INO80E: variants seen among roughly 807,000 people sequenced by gnomAD.
INO80E encodes the protein INO80 complex subunit E, also known as coiled-coil domain containing 95.
INO80E carries 20 observed loss-of-function variants against 27.3 expected under a neutral mutation model. The ratio of observed to expected loss-of-function variants is 0.73; its 90% confidence interval spans 0.51 to 1.06. The LOEUF is 1.06. Among genes scored for constraint, INO80E ranks in the 50% least tolerant of loss-of-function variants. The pLI, the probability that INO80E is intolerant of heterozygous loss-of-function variation, is 0.00. For synonymous variants in INO80E, 167 were observed against 145.9 expected (o/e 1.14, Z -1.04); for missense variants, 357 against 322.8 (o/e 1.11, Z -0.81).
intron 3 of INO80E, among the ~76,000 whole-genome samples, chr16:29,999,029 A>T (rs1220479349): frequency 1.3e-5 from 2 of 151,168 alleles, no homozygotes; most frequent in African/African-American, 2.4e-5. Context: ...TGGGCAACAG[A>T]GCAAGACTCC....
Position 30,005,469 on chromosome 16 carries a change from G to C in INO80E, c.*27G>C. The C allele has an allele frequency of 1.3e-6, 2 of 1,564,068 alleles. No individual in the cohort carries two copies. The highest frequency in any genetic ancestry group is 1.7e-6 in the Non-Finnish European group (2 of 1,154,248). On this transcript the variant is annotated 3_prime_UTR_variant, in exon 7 of 7. Coordinates refer to ENST00000563197, the MANE Select transcript of INO80E (RefSeq NM_173618.3). The stretch of plus-strand genomic sequence containing the variant: ...CGTGACATCACGCCATGCCCACCAC[G>C]GCCCCGCCCGGCGCCCTCCCCGTGC...
At chr16:29,997,407 T>C (rs180699693) in intron 3 of INO80E, among the ~76,000 whole-genome samples, 1 of 151,878 alleles carries the variant, frequency 6.6e-6, no homozygotes, top group East Asian at 1.9e-4. Flanking sequence ...TTCATATTTT[T>C]CCATATGAAA....
chr16:30,001,306 T>C, intron 5 of INO80E, 108 bp from the exon 6 acceptor site: 2 of 1,501,428 alleles, frequency 1.3e-6, no homozygotes, highest in Non-Finnish European at 1.8e-6. Context: ...GGAGCCGCAC[T>C]CATCACCATC....
At chr16:30,002,310 A>G (rs1334066680) in intron 6 of INO80E, 2 of 152,314 alleles carry the variant, frequency 1.3e-5, no homozygotes, top group Non-Finnish European at 2.9e-5. Context: ...TCAGAGGGGG[A>G]GCTCATGAGG....
intron 6 of INO80E, chr16:30,002,325 AGT>A (rs1044492032): frequency 6.6e-6 from 1 of 152,532 alleles, no homozygotes; most frequent in Non-Finnish European, 1.5e-5. Context: ...ATGAGGTGCC[AGT>A]GTGCAGGATT....
rs2070125755 is a variant in INO80E, at chr16:29,996,603, G to A, written c.138G>A (p.Val46=). ...AAGCGCAAAGGAAATTACTGAAGGT[G>A]TCCCGGGACAAGAGGTGAGGCACGT... ...LRKAQRKLLK[V]SRDKSFLLDR... Residue 46 remains valine (V), a synonymous_variant, in exon 2 of 7, where the codon GTG becomes GTA. Transcript: ENST00000563197. The A allele has an allele frequency of 1.9e-6, 3 of 1,579,864 alleles. No individual in the cohort carries two copies. The highest frequency in any genetic ancestry group is 1.7e-6 in the Non-Finnish European group (2 of 1,162,848).
chr16:30,004,194 C>T (rs899674595), intron 6 of INO80E: 3 of 152,418 alleles, frequency 2.0e-5, no homozygotes, highest in Non-Finnish European at 4.4e-5. Flanking sequence ...TCCATGTCCA[C>T]ACCAGGTTCA....
chr16:29,996,575 G>T lies in INO80E; in HGVS notation c.110G>T (p.Arg37Met). 6.4e-7 allele frequency: 1 copy of T among 1,573,864 alleles called. No homozygotes were observed. Among genetic ancestry groups the T allele is most frequent in the African/African-American group, 1.3e-5 (1 of 74,192 alleles). Residue 37 changes from arginine to methionine, a missense_variant, in exon 2 of 7, where the codon AGG (arginine) becomes ATG (methionine). Physicochemically the swap from Arg to Met is moderately conservative, Grantham distance 91 (BLOSUM62 -1). Transcript: ENST00000563197. ...YEHECFQEEL[R>M]KAQRKLLKVS... ...CACGAGTGCTTCCAGGAGGAGCTGA[G>T]GAAAGCGCAAAGGAAATTACTGAAG...
Position 30,003,822 on chromosome 16 carries a change from G to A in INO80E, c.514-1399G>A, listed in dbSNP as rs1315755046. 1 of 152,398 alleles carries A rather than the reference G, an allele frequency of 6.6e-6. No individual in the cohort carries two copies. The highest frequency in any genetic ancestry group is 1.5e-5 in the Non-Finnish European group (1 of 68,114). The allele number at this position is 152,398 out of a possible 1,614,324, so 9.4% of individuals were successfully genotyped here. ...TGCGCACAGTGGGGAAGGAGAGGAG[G>A]TGGCCAGAGGAGGGGATGGTCCTTT... On this transcript the variant is annotated intron_variant, in intron 6 of 6. Coordinates refer to ENST00000563197, the MANE Select transcript of INO80E (RefSeq NM_173618.3). The surrounding 1 kb of genome is among the most constrained non-coding windows in gnomAD (Gnocchi z 4.4).
Position 29,996,538 on chromosome 16 carries a change from G to A in INO80E, c.82-9G>A, listed in dbSNP as rs752209937. 9 of 1,561,810 alleles carry A rather than the reference G, an allele frequency of 5.8e-6. No homozygotes were observed. In the South Asian group the frequency reaches 7.1e-5, roughly 12 times the overall value. On this transcript the variant is annotated splice_polypyrimidine_tract_variant and intron_variant, in intron 1 of 6. Transcript: ENST00000563197. ...CGTTGGCCCAGCGCACCCCTTGCCC[G>A]TGATACAGGAGCACGAGTGCTTCCA...
In INO80E at chr16:30,001,014, G is replaced by T. The variant is rs201014829; in HGVS notation, c.370G>T (p.Gly124Trp). ...AACAGGGTTTCCCCTTCAGGCCTCC[G>T]GGGTCCCCTCCCCATACCTGAGCTC... ...PSTGFPLQAS[G>W]VPSPYLSSLA... Residue 124 changes from glycine (G) to tryptophan (W), a missense_variant, in exon 5 of 7, where the codon GGG becomes TGG. Transcript: ENST00000563197. 4 of 1,551,730 alleles carry T rather than the reference G, an allele frequency of 2.6e-6. No individual in the cohort carries two copies. Among genetic ancestry groups the T allele is most frequent in the Non-Finnish European group, 3.5e-6 (4 of 1,147,812 alleles).
chr16:30,001,031 C>T lies in INO80E; in HGVS notation c.387C>T (p.Tyr129=). Residue 129 remains tyrosine (Y), a synonymous_variant, in exon 5 of 7, where the codon TAC becomes TAT. Coordinates refer to ENST00000563197, the MANE Select transcript of INO80E (RefSeq NM_173618.3). ...AGGCCTCCGGGGTCCCCTCCCCATA[C>T]CTGAGCTCGGTGAGTTGGGGTCAGG... The part of the protein sequence containing the change: ...PLQASGVPSP[Y]LSSLASSRYP... 1 of 1,545,038 alleles carries T rather than the reference C, an allele frequency of 6.5e-7. No individual in the cohort carries two copies. The highest frequency in any genetic ancestry group is 8.7e-7 in the Non-Finnish European group (1 of 1,145,406).
In INO80E at chr16:30,001,047, T is replaced by G. The variant is rs753021384; in HGVS notation, c.396+7T>G. 2 of 1,538,888 alleles carry G rather than the reference T, an allele frequency of 1.3e-6. No homozygotes were observed. Among genetic ancestry groups the G allele is most frequent in the East Asian group, 4.5e-5 (2 of 44,128 alleles). On this transcript the variant is annotated splice_region_variant and intron_variant, in intron 5 of 6. Coordinates refer to ENST00000563197, the MANE Select transcript of INO80E (RefSeq NM_173618.3). ...CTCCCCATACCTGAGCTCGGTGAGT[T>G]GGGGTCAGGGATGGGAAGTGCTTGG...
intron 5 of INO80E, 26 bp downstream of exon 5, chr16:30,001,066 T>C (rs753589572): frequency 1.3e-6 from 2 of 1,524,450 alleles, no homozygotes; most frequent in South Asian, 1.3e-5. Context: ...GGATGGGAAG[T>C]GCTTGGGAGT....
intron 5 of INO80E, 94 bp from the exon 6 acceptor site, chr16:30,001,320 T>C (rs767468670): frequency 4.5e-5 from 68 of 1,506,102 alleles, no homozygotes; most frequent in Non-Finnish European, 5.9e-5. Context: ...CACCATCTCT[T>C]TTGTTTTTCC....
At chr16:30,000,558 T>C (rs1041901377) in intron 3 of INO80E, among the ~76,000 whole-genome samples, 200 bp from the exon 4 acceptor site, 5 of 152,040 alleles carry the variant, frequency 3.3e-5, no homozygotes, top group Non-Finnish European at 7.4e-5. Context: ...AGAGATGAGG[T>C]CTTGCTAGGT....
chr16:30,005,522 A>G lies in INO80E; in HGVS notation c.*80A>G, dbSNP rs2070545968. On this transcript the variant is annotated 3_prime_UTR_variant, in exon 7 of 7. Transcript: ENST00000563197. Reference sequence around the variant, plus strand: ...GCACACACGAGTCCAGCTTCCTCGGAGGTGTTTATTGATGCCCAGCTGCCA... The same window carrying G: ...GCACACACGAGTCCAGCTTCCTCGGGGGTGTTTATTGATGCCCAGCTGCCA... 1.5e-6 allele frequency: 2 copies of G among 1,352,602 alleles called. No homozygotes were observed. The highest frequency in any genetic ancestry group is 2.1e-6 in the Non-Finnish European group (2 of 975,240). 83.8% of individuals were successfully genotyped at this position (1,352,602 alleles called of 1,614,324 possible). A position where few individuals can be genotyped will look rare whatever the true frequency, so the allele number is the denominator to read the frequency against.
chr16:30,000,234 G>A (rs752573253), intron 3 of INO80E, among the ~76,000 whole-genome samples: 7 of 152,258 alleles, frequency 4.6e-5, no homozygotes, highest in South Asian at 4.2e-4. Flanking sequence ...GGTGTGTTAC[G>A]GAGGAACCAG....
chr16:30,004,869 G>GGGCC (rs756412302), intron 6 of INO80E, among the ~76,000 whole-genome samples: 14 of 152,126 alleles, frequency 9.2e-5, no homozygotes, highest in South Asian at 4.1e-4. Context: ...GGCACCTCCG[G>GGGCC]GGCCGGCAGG....
Sources: allele counts gnomAD v4.1 joint callset (sites outside exome capture counted in the v4.1 genomes callset), GRCh38; gene constraint gnomAD v4.1.1; non-coding constraint Gnocchi (gnomAD v3.1); transcripts MANE v1.5; gene names NCBI Gene and HGNC (gene_info 2026-07-23, HGNC 2026-07-21).